Variants in CNTNAP4 observed in about 807,000 individuals in gnomAD.
CNTNAP4 encodes contactin associated protein family member 4.
CNTNAP4 carries 98 observed loss-of-function variants against 148.4 expected under a neutral mutation model. That is an observed-to-expected ratio of 0.66 (90% CI 0.56 to 0.78). The LOEUF (loss-of-function observed/expected upper bound fraction) is 0.78. CNTNAP4 is among the 30% of genes least tolerant of loss of function. The pLI is 0.00. For synonymous variants in CNTNAP4, 730 were observed against 565.1 expected, an observed-to-expected ratio of 1.29 and a Z score of -4.14; for missense variants, 1,935 against 1,565.6, an observed-to-expected ratio of 1.24 and a Z score of -3.98.
intron 2 of CNTNAP4, among the ~76,000 whole-genome samples, chr16:76,325,194 A>ATCAT (rs1418052290): frequency 6.6e-6 from 1 of 152,230 alleles, no homozygotes. Context: ...GTTAATGTAT[A>ATCAT]TCATTCTGTA....
In CNTNAP4 at chr16:76,548,605, G is replaced by A. The variant is rs547946938; in HGVS notation, c.3443-4678G>A. On this transcript the variant is annotated intron_variant, in intron 21 of 23. Coordinates refer to ENST00000611870, the MANE Select transcript of CNTNAP4 (RefSeq NM_033401.5). ...GTTAAAAGGTTTCTTCTTTCGACAA[G>A]CAGAAGTCACTCCCTTTGTTGGAAA... Among the ~76,000 whole-genome samples the A allele has an allele frequency of 2.9e-4, 44 of 151,958 alleles. No homozygotes were observed. The East Asian group carries it at 7.1e-3, about 24-fold the overall frequency.
At chr16:76,323,350 C>G (rs1962627860) in intron 2 of CNTNAP4, among the ~76,000 whole-genome samples, 1 of 150,940 alleles carries the variant, frequency 6.6e-6, no homozygotes, top group Non-Finnish European at 1.5e-5. Context: ...TTAAAAAAAA[C>G]TTACTAAAAC....
At chr16:76,532,321 G>A (rs900245192) in intron 17 of CNTNAP4, among the ~76,000 whole-genome samples, 4 of 152,138 alleles carry the variant, frequency 2.6e-5, no homozygotes, top group South Asian at 2.1e-4. Flanking sequence ...TGCCTCTAAC[G>A]AAATGTGTTT....
At chr16:76,494,786 CA>C in intron 13 of CNTNAP4, 123 bp from the exon 14 acceptor site, 13 of 1,050,166 alleles carry the variant, frequency 1.2e-5, no homozygotes, top group Non-Finnish European at 1.8e-5. Context: ...TCCTTAAATC[CA>C]ATCAATCTTT....
intron 3 of CNTNAP4, among the ~76,000 whole-genome samples, chr16:76,390,061 G>A (rs554027834): frequency 3.3e-5 from 5 of 152,094 alleles, no homozygotes; most frequent in African/African-American, 7.2e-5. Context: ...AGTATACTTC[G>A]CCATGTCTCA....
chr16:76,399,583 G>T (rs981380726), intron 3 of CNTNAP4, among the ~76,000 whole-genome samples: 1 of 152,134 alleles, frequency 6.6e-6, no homozygotes, highest in Non-Finnish European at 1.5e-5. Flanking sequence ...CAATGTCCAG[G>T]TTAAGGGAAT....
At chr16:76,452,907 C>G (rs1341609025) in intron 8 of CNTNAP4, 138 bp downstream of exon 8, 3 of 804,810 alleles carry the variant, frequency 3.7e-6, no homozygotes, top group African/African-American at 3.6e-5. Context: ...TATAAGTACT[C>G]TTCCTTAGAG....
rs1223912304 is a variant in CNTNAP4, at chr16:76,560,034, C to G, written c.*1351C>G. Among the ~76,000 whole-genome samples, 1 of 152,130 alleles carries G rather than the reference C, an allele frequency of 6.6e-6. No homozygotes were observed. The highest frequency in any genetic ancestry group is 1.5e-5 in the Non-Finnish European group (1 of 68,012). On this transcript the variant is annotated 3_prime_UTR_variant, in exon 24 of 24. Transcript: ENST00000611870. ...CATTCTGATTAGGGTGTATTATACA[C>G]TAGGAGATCAAAGAATGATCAATAA... is the stretch of plus-strand genomic sequence containing the variant.
In CNTNAP4 at chr16:76,506,769, C is replaced by T. The variant is rs936761245; in HGVS notation, c.2365+8075C>T. On this transcript the variant is annotated intron_variant, in intron 15 of 23. Coordinates refer to ENST00000611870, the MANE Select transcript of CNTNAP4 (RefSeq NM_033401.5). ...TACAGGCATGAGCCACCCCACCTGC[C>T]TGGGTATGAGAATTGCTAACAGGCT... Among the ~76,000 whole-genome samples, 4 of 95,492 alleles carry T rather than the reference C, an allele frequency of 4.2e-5. 1 individual carries two copies. The highest frequency in any genetic ancestry group is 1.0e-4 in the African/African-American group (4 of 38,462). The allele number at this position is 95,492 out of a possible 152,430, so 62.6% of individuals were successfully genotyped here. A position where few individuals can be genotyped will look rare whatever the true frequency, so the allele number is the denominator to read the frequency against.
At chr16:76,517,770 C>T (rs1017934317) in intron 15 of CNTNAP4, among the ~76,000 whole-genome samples, 1 of 152,090 alleles carries the variant, frequency 6.6e-6, no homozygotes, top group African/African-American at 2.4e-5. Flanking sequence ...AATTTTAGAA[C>T]ATGGTCATTA....
chr16:76,551,230 G>A (rs1009710718), intron 21 of CNTNAP4, among the ~76,000 whole-genome samples: 3 of 151,878 alleles, frequency 2.0e-5, no homozygotes, highest in Non-Finnish European at 4.4e-5. Context: ...GGCCAACATG[G>A]CAAAACTCCA....
chr16:76,467,746 C>G (rs2135620), intron 10 of CNTNAP4, among the ~76,000 whole-genome samples: 1 of 151,912 alleles, frequency 6.6e-6, no homozygotes, highest in African/African-American at 2.4e-5. Flanking sequence ...TGTATGGCCA[C>G]GTATGTACAC....
chr16:76,284,856 A>G (rs182787559), intron 1 of CNTNAP4, among the ~76,000 whole-genome samples: 56 of 152,158 alleles, frequency 3.7e-4, no homozygotes, highest in Admixed American at 3.3e-3. Flanking sequence ...TGATTACTTC[A>G]GGGGGCTGAT....
At chr16:76,548,657 G>A (rs2084840378) in intron 21 of CNTNAP4, among the ~76,000 whole-genome samples, 1 of 151,860 alleles carries the variant, frequency 6.6e-6, no homozygotes. Context: ...CTTTTTAACA[G>A]GCACAAACAC....
chr16:76,295,672 T>A (rs909457255), intron 1 of CNTNAP4, among the ~76,000 whole-genome samples: 1 of 152,156 alleles, frequency 6.6e-6, no homozygotes, highest in African/African-American at 2.4e-5. Context: ...GTCATGGCTG[T>A]CGGAAAGTAG....
At chr16:76,410,258 A>G (rs34851116) in intron 3 of CNTNAP4, among the ~76,000 whole-genome samples, 53,960 of 151,520 alleles carry the variant, frequency 0.36, 11,030 homozygotes, top group Non-Finnish European at 0.44. Context: ...TGTTGTCTAC[A>G]AAGATTGAGA....
rs558814796 is a variant in CNTNAP4, at chr16:76,307,539, T to TATATACAC, written c.86-8873_86-8872insTATACACA. On this transcript the variant is annotated intron_variant, in intron 1 of 23. Transcript: ENST00000611870. Reference sequence around the variant, plus strand: ...ATATATATATATATATATATATATATACCAAACTCCAGAAATGCTTACCCC... The same window carrying TATATACAC: ...ATATATATATATATATATATATATATATATACACACCAAACTCCAGAAATGCTTACCCC... 8.4e-5 allele frequency among the ~76,000 whole-genome samples: 10 copies of TATATACAC among 119,378 alleles called. 1 individual carries two copies. The highest frequency in any genetic ancestry group is 1.5e-4 in the Non-Finnish European group (9 of 60,914). 78.3% of individuals were successfully genotyped at this position (119,378 alleles called of 152,430 possible).
At chr16:76,394,208 G>A (rs1413844354) in intron 3 of CNTNAP4, among the ~76,000 whole-genome samples, 1 of 152,172 alleles carries the variant, frequency 6.6e-6, no homozygotes, top group Non-Finnish European at 1.5e-5. Flanking sequence ...GAGTTGGTCA[G>A]GAATGTTTAT....
chr16:76,440,828 A>T (rs942649434), intron 4 of CNTNAP4, among the ~76,000 whole-genome samples: 9 of 152,100 alleles, frequency 5.9e-5, no homozygotes, highest in African/African-American at 1.2e-4. Context: ...TATTTTTCTT[A>T]GTAATTCACT....
Sources: gnomAD v4.1 joint callset for allele counts (sites outside exome capture counted in the v4.1 genomes callset) on GRCh38, gnomAD v4.1.1 for gene constraint, MANE v1.5 for transcripts, NCBI Gene and HGNC (gene_info 2026-07-23, HGNC 2026-07-21) for gene names.